The following TOM1L2 variants were observed in gnomAD, a reference collection of about 807,000 sequenced individuals.
The protein encoded by TOM1L2 is target of myb1 like 2 membrane trafficking protein, also known as TOM1-like protein 2.
In TOM1L2, 31 loss-of-function variants were observed where a neutral mutation model predicts 67.9. The ratio of observed to expected loss-of-function variants is 0.46; its 90% CI spans 0.34 to 0.62. TOM1L2 has a LOEUF of 0.62. TOM1L2 is among the 20% of genes least tolerant of loss of function. The pLI is 0.01. For synonymous variants in TOM1L2, 256 were observed against 254.0 expected, an observed-to-expected ratio of 1.01 and a Z score of -0.07; for missense variants, 606 against 663.5, an observed-to-expected ratio of 0.91 and a Z score of 0.95.
chr17:17,955,253 A>G (rs904153726), intron 1 of TOM1L2, among the ~76,000 whole-genome samples: 1 of 149,938 alleles, frequency 6.7e-6, no homozygotes, highest in Non-Finnish European at 1.5e-5. Flanking sequence ...TATGGTGGTC[A>G]CCGGCAGAGG....
At chr17:17,905,976 C>T (rs188053682) in intron 2 of TOM1L2, among the ~76,000 whole-genome samples, 85 of 152,236 alleles carry the variant, frequency 5.6e-4, no homozygotes, top group Admixed American at 1.3e-3. Context: ...ACACATCAGA[C>T]ACCCTCTGTC....
At chr17:17,889,661 G>GT (rs2038175176) in intron 4 of TOM1L2, among the ~76,000 whole-genome samples, 2 of 152,192 alleles carry the variant, frequency 1.3e-5, no homozygotes, top group South Asian at 4.1e-4. Flanking sequence ...AGCTTTTCAA[G>GT]TGCTAACACA....
rs774472699 is a variant in TOM1L2 at position 17,862,831 on chromosome 17, C to T, written c.1102G>A (p.Val368Ile). The change falls in exon 11 of 15, where the codon GTC becomes ATC. Residue 368 changes from valine to isoleucine, a missense_variant. Val to Ile is a conservative substitution (Grantham distance 29). Around this residue, in one of 2 missense-constraint regions of TOM1L2, gnomAD observed 543 missense variants for 554.0 expected, o/e 0.98. Transcript: ENST00000379504. ...TGGAGTGAACTGAGGGTGCCACTGA[C>T]GCTCTCTGTCCCCAAGTCTGTGGCA... Reference protein sequence around the residue: ...LAGLDLGTESVSGTLSSLQQC... With the variant: ...LAGLDLGTESISGTLSSLQQC... The T allele has an allele frequency of 7.4e-6, 12 of 1,614,044 alleles. No homozygotes were observed. Among genetic ancestry groups the T allele is most frequent in the South Asian group, 4.4e-5 (4 of 91,086 alleles).
At chr17:17,893,901 C>G in intron 3 of TOM1L2, 91 bp from the exon 4 acceptor site, 1 of 1,353,770 alleles carries the variant, frequency 7.4e-7, no homozygotes, top group Non-Finnish European at 1.0e-6. Flanking sequence ...TCCACCATCC[C>G]CTCTGTCTTG....
At position 17,944,606 on chromosome 17, in the gene TOM1L2, C is replaced by G. The variant is rs887652050; in HGVS notation, c.52+27656G>C. 1.3e-5 allele frequency among the ~76,000 whole-genome samples: 2 copies of G among 152,214 alleles called. 1 individual carries two copies. The highest frequency in any genetic ancestry group is 2.9e-5 in the Non-Finnish European group (2 of 68,036). ...AGAGATTCCCATATTTGGAGTTATT[C>G]TCCCCAAAGCACCAGGCACCTGCTT... is the stretch of plus-strand genomic sequence containing the variant. On this transcript the variant is annotated intron_variant, in intron 1 of 14. Coordinates refer to ENST00000379504, the MANE Select transcript of TOM1L2 (RefSeq NM_001082968.2).
intron 4 of TOM1L2, among the ~76,000 whole-genome samples, chr17:17,885,429 C>A (rs1466605403): frequency 1.3e-5 from 2 of 152,168 alleles, no homozygotes; most frequent in African/African-American, 4.8e-5. Context: ...GGGAGTTCAC[C>A]CCCAGGGGTC....
chr17:17,887,150 G>A (rs1354197476), intron 4 of TOM1L2, among the ~76,000 whole-genome samples: 1 of 152,244 alleles, frequency 6.6e-6, no homozygotes, highest in Non-Finnish European at 1.5e-5. Flanking sequence ...TCTTCTCTTT[G>A]CCTAGGCAAG....
chr17:17,861,609 A>G (rs2036564874), intron 11 of TOM1L2, 58 bp from the exon 12 acceptor site: 1 of 1,490,372 alleles, frequency 6.7e-7, no homozygotes, highest in Non-Finnish European at 9.4e-7. Flanking sequence ...TCATGGAGGG[A>G]TGGGGTAGTG....
intron 7 of TOM1L2, among the ~76,000 whole-genome samples, chr17:17,874,981 G>A (rs2037349228): frequency 6.6e-6 from 1 of 152,208 alleles, no homozygotes; most frequent in Admixed American, 6.5e-5. Context: ...AAAAGGCCAT[G>A]CGTGGTGGCT....
At chr17:17,960,017 G>A (rs905843828) in intron 1 of TOM1L2, among the ~76,000 whole-genome samples, 4 of 152,208 alleles carry the variant, frequency 2.6e-5, no homozygotes, top group Admixed American at 2.0e-4. Flanking sequence ...GTGCCTCAGC[G>A]AGGATATAAG....
chr17:17,866,186 A>G (rs1453188664), intron 10 of TOM1L2, 110 bp downstream of exon 10: 1 of 1,332,778 alleles, frequency 7.5e-7, no homozygotes, highest in African/African-American at 1.5e-5. Context: ...TTTCACATGT[A>G]TTTCCCAAAA....
rs896693737 is a variant in TOM1L2, at chr17:17,929,585, C to T, written c.53-22054G>A. Among the ~76,000 whole-genome samples, 20 of 152,134 alleles carry T rather than the reference C, an allele frequency of 1.3e-4. 1 individual carries two copies. The South Asian group carries it at 3.7e-3, about 28-fold the overall frequency. ...AGCGGAGGTTGTGGTGAGCCGAGAT[C>T]GCACCATTGTACTCCAGCCTGGGCA... On this transcript the variant is annotated intron_variant, in intron 1 of 14. Transcript: ENST00000379504.
At chr17:17,932,238 G>A (rs1416419846) in intron 1 of TOM1L2, among the ~76,000 whole-genome samples, 2 of 152,156 alleles carry the variant, frequency 1.3e-5, no homozygotes, top group Non-Finnish European at 2.9e-5. Context: ...TGTTTTGAAA[G>A]TAGAAGACAA....
At chr17:17,872,569 G>A (rs1449925463) in intron 7 of TOM1L2, among the ~76,000 whole-genome samples, 1 of 152,250 alleles carries the variant, frequency 6.6e-6, no homozygotes, top group East Asian at 1.9e-4. Context: ...ACAGAGAAAA[G>A]AGGTCAAACA....
intron 12 of TOM1L2, among the ~76,000 whole-genome samples, chr17:17,854,497 TTTTA>T (rs1568058001): frequency 1.3e-5 from 2 of 151,788 alleles, no homozygotes; most frequent in African/African-American, 2.4e-5. Context: ...TTATTTTTAT[TTTTA>T]TTTATTTATT....
At chr17:17,902,765 T>C (rs1427207408) in intron 2 of TOM1L2, among the ~76,000 whole-genome samples, 2 of 152,236 alleles carry the variant, frequency 1.3e-5, no homozygotes, top group Admixed American at 6.5e-5. Flanking sequence ...ATGGAAATCT[T>C]TAAAGTGAAA....
chr17:17,877,679 G>A (rs1190229822), intron 7 of TOM1L2, among the ~76,000 whole-genome samples: 1 of 152,138 alleles, frequency 6.6e-6, no homozygotes, highest in East Asian at 1.9e-4. Flanking sequence ...ATCTGCTGTT[G>A]CTGGAAGGAC....
chr17:17,846,644 A>T lies in TOM1L2; in HGVS notation c.*991T>A, dbSNP rs2035657837. ...TTAGTGCTGCCCAGGCCTCTCAGTC[A>T]CTGGGAACCTCCAAGGATGCCACAA... On this transcript the variant is annotated 3_prime_UTR_variant, in exon 15 of 15. Coordinates refer to ENST00000379504, the MANE Select transcript of TOM1L2 (RefSeq NM_001082968.2). 1 of 152,408 alleles carries T rather than the reference A, an allele frequency of 6.6e-6. No individual in the cohort carries two copies. The highest frequency in any genetic ancestry group is 2.4e-5 in the African/African-American group (1 of 41,472). The allele number at this position is 152,408 out of a possible 1,614,324, so 9.4% of individuals were successfully genotyped here.
intron 1 of TOM1L2, among the ~76,000 whole-genome samples, chr17:17,912,450 G>A (rs2039421198): frequency 6.7e-6 from 1 of 149,654 alleles, no homozygotes; most frequent in Non-Finnish European, 1.5e-5. Flanking sequence ...CCAGGCAGAG[G>A]GTCTCCTCAC....
Sources: gnomAD v4.1 joint callset for allele counts (sites outside exome capture counted in the v4.1 genomes callset) on GRCh38, gnomAD v4.1.1 for gene constraint, gnomAD v4.1.1 regional missense constraint, MANE v1.5 for transcripts, NCBI Gene and HGNC (gene_info 2026-07-23, HGNC 2026-07-21) for gene names.